Variants in PTPRG observed in about 807,000 individuals in gnomAD.
The protein encoded by PTPRG is protein tyrosine phosphatase receptor type G, also known as receptor-type tyrosine-protein phosphatase gamma.
PTPRG carries 102 observed loss-of-function variants against 165.3 expected under a neutral mutation model. The ratio of observed to expected loss-of-function variants is 0.62; its 90% CI spans 0.53 to 0.73. PTPRG has a LOEUF of 0.73. Ranked by LOEUF, PTPRG falls within the 30% of genes least tolerant of loss-of-function variation. The pLI is 0.00. For synonymous variants in PTPRG, 675 were observed against 669.5 expected (o/e 1.01, Z -0.13); for missense variants, 1,866 against 1,861.4 (o/e 1.00, Z -0.05).
intron 2 of PTPRG, among the ~76,000 whole-genome samples, chr3:61,816,100 G>A (rs1282197999): frequency 6.6e-6 from 1 of 152,114 alleles, no homozygotes; most frequent in Non-Finnish European, 1.5e-5. Context: ...GTATCATCTA[G>A]TCAAGCTCCT....
At chr3:61,926,970 A>G (rs2039230818) in intron 2 of PTPRG, among the ~76,000 whole-genome samples, 1 of 152,174 alleles carries the variant, frequency 6.6e-6, no homozygotes, top group Non-Finnish European at 1.5e-5. Context: ...AATGTAGTGC[A>G]TGCAGATGAC....
At chr3:61,564,084 C>G (rs1699844091) in intron 1 of PTPRG, among the ~76,000 whole-genome samples, 1 of 152,122 alleles carries the variant, frequency 6.6e-6, no homozygotes. Context: ...AGTCCTGCCT[C>G]TACGGCCTCT....
At chr3:62,284,283 T>C (rs1351490640) in intron 28 of PTPRG, among the ~76,000 whole-genome samples, 1 of 152,158 alleles carries the variant, frequency 6.6e-6, no homozygotes, top group Non-Finnish European at 1.5e-5. Flanking sequence ...TTGATTCACT[T>C]ATCTTCATTC....
intron 2 of PTPRG, among the ~76,000 whole-genome samples, chr3:61,877,957 T>C (rs1159530195): frequency 6.6e-6 from 1 of 152,220 alleles, no homozygotes; most frequent in Non-Finnish European, 1.5e-5. Flanking sequence ...AATTAGCTCC[T>C]CGCACAATAG....
chr3:61,882,407 T>A (rs1383214790), intron 2 of PTPRG, among the ~76,000 whole-genome samples: 2 of 152,194 alleles, frequency 1.3e-5, no homozygotes, highest in Non-Finnish European at 2.9e-5. Context: ...CAGTTTGAAA[T>A]TAGGTGAAAG....
intron 2 of PTPRG, among the ~76,000 whole-genome samples, chr3:61,978,307 A>G (rs1180091289): frequency 6.6e-6 from 1 of 151,972 alleles, no homozygotes; most frequent in Non-Finnish European, 1.5e-5. Flanking sequence ...TCTTTATTGT[A>G]TTTGATTTTA....
chr3:62,232,244 T>A (rs1283099231), intron 14 of PTPRG, among the ~76,000 whole-genome samples: 1 of 152,156 alleles, frequency 6.6e-6, no homozygotes, highest in Non-Finnish European at 1.5e-5. Context: ...AGTTTAGGAG[T>A]TGTGACAGAT....
At position 62,271,634 on chromosome 3, in the gene PTPRG, T is replaced by C; in HGVS notation, c.3182+79T>C. ...AGTGACCTTGGACCACAATGATTGC[T>C]ACTGCTTTCACTTAGAAGCTGAATC... is the stretch of plus-strand genomic sequence containing the variant. On this transcript the variant is annotated intron_variant, in intron 21 of 29. Coordinates refer to ENST00000474889, the MANE Select transcript of PTPRG (RefSeq NM_002841.4). This position sits in a 1 kb window ranked among gnomAD's most constrained non-coding sequence, Gnocchi z 4.1. 5 of 1,323,890 alleles carry C rather than the reference T, an allele frequency of 3.8e-6. No individual in the cohort carries two copies. Among genetic ancestry groups the C allele is most frequent in the Non-Finnish European group, 5.2e-6 (5 of 965,914 alleles). The allele number at this position is 1,323,890 out of a possible 1,614,324, so 82.0% of individuals were successfully genotyped here. A position where few individuals can be genotyped will look rare whatever the true frequency, so the allele number is the denominator to read the frequency against.
intron 2 of PTPRG, among the ~76,000 whole-genome samples, chr3:61,986,213 C>T (rs77949409): frequency 0.013 from 1,912 of 152,160 alleles, 34 homozygotes; most frequent in African/African-American, 0.04. Context: ...TCAATTCATT[C>T]ATTTGTACCT....
chr3:61,752,030 C>T (rs536373943), intron 2 of PTPRG, among the ~76,000 whole-genome samples: 41 of 151,888 alleles, frequency 2.7e-4, no homozygotes, highest in African/African-American at 9.2e-4. Flanking sequence ...TAGTCTCTGG[C>T]GTAAAGTAAG....
At chr3:61,816,031 C>T (rs2035752862) in intron 2 of PTPRG, among the ~76,000 whole-genome samples, 1 of 152,168 alleles carries the variant, frequency 6.6e-6, no homozygotes, top group South Asian at 2.1e-4. Flanking sequence ...TTTAGGTCTT[C>T]CCTGCCTGCT....
chr3:61,867,564 C>T (rs904021228), intron 2 of PTPRG, among the ~76,000 whole-genome samples: 2 of 151,906 alleles, frequency 1.3e-5, no homozygotes. Flanking sequence ...AGTTGAGGGC[C>T]CAGAAAGGTA....
chr3:61,887,024 G>T (rs1320935177), intron 2 of PTPRG, among the ~76,000 whole-genome samples: 1 of 150,004 alleles, frequency 6.7e-6, no homozygotes, highest in Non-Finnish European at 1.5e-5. Flanking sequence ...CTAATATCTT[G>T]TGTGCGCCAC....
At chr3:62,046,660 GA>G (rs1242493071) in intron 4 of PTPRG, among the ~76,000 whole-genome samples, 1 of 151,904 alleles carries the variant, frequency 6.6e-6, no homozygotes. Flanking sequence ...ATTAGGTGCT[GA>G]TTTTTTTTTT....
In PTPRG at chr3:61,682,439, T is replaced by C. The variant is rs1703481887; in HGVS notation, c.86-66439T>C. Among the ~76,000 whole-genome samples the C allele has an allele frequency of 3.9e-5, 6 of 152,290 alleles. No homozygotes were observed. In the South Asian group the frequency reaches 1.2e-3, roughly 32 times the overall value. ...TGTTAAATGTTGACAGTAATGGGTA[T>C]GGGTGATGGGGACATAGGCATTTGT... On this transcript the variant is annotated intron_variant, in intron 1 of 29. Coordinates refer to ENST00000474889, the MANE Select transcript of PTPRG (RefSeq NM_002841.4).
chr3:61,690,862 A>T (rs2030150431), intron 1 of PTPRG, among the ~76,000 whole-genome samples: 2 of 152,028 alleles, frequency 1.3e-5, no homozygotes, highest in Non-Finnish European at 2.9e-5. Context: ...ATGCTAGACA[A>T]TTTTAGATCT....
At chr3:62,045,244 T>A (rs1700251628) in intron 4 of PTPRG, among the ~76,000 whole-genome samples, 1 of 152,228 alleles carries the variant, frequency 6.6e-6, no homozygotes, top group African/African-American at 2.4e-5. Flanking sequence ...TTGAATTATT[T>A]ATGCAGTGTT....
intron 1 of PTPRG, among the ~76,000 whole-genome samples, chr3:61,642,371 C>G (rs951741379): frequency 3.3e-5 from 5 of 152,170 alleles, no homozygotes; most frequent in African/African-American, 9.7e-5. Context: ...CTTGGCCAGC[C>G]TCTTGAGATC....
intron 2 of PTPRG, among the ~76,000 whole-genome samples, chr3:61,776,001 A>C (rs1272029266): frequency 6.6e-6 from 1 of 151,944 alleles, no homozygotes; most frequent in Admixed American, 6.6e-5. Context: ...TGGGTGCAGC[A>C]CACCAACATG....
Sources: allele counts gnomAD v4.1 joint callset (sites outside exome capture counted in the v4.1 genomes callset), GRCh38; gene constraint gnomAD v4.1.1; non-coding constraint Gnocchi (gnomAD v3.1); transcripts MANE v1.5; gene names NCBI Gene and HGNC (gene_info 2026-07-23, HGNC 2026-07-21).